LRRC4C: variants seen among roughly 807,000 people sequenced by gnomAD.
LRRC4C encodes leucine rich repeat containing 4C, also known as leucine-rich repeat-containing protein 4C.
A neutral mutation model predicts 33.6 loss-of-function variants in LRRC4C; 5 were observed. The ratio of observed to expected loss-of-function variants is 0.15; its 90% CI spans 0.08 to 0.31. The LOEUF is 0.31. LRRC4C is among the 10% of genes least tolerant of loss of function. The pLI is 1.00. For synonymous variants in LRRC4C, 329 were observed against 302.0 expected, an observed-to-expected ratio of 1.09 and a Z score of -0.93; for missense variants, 560 against 796.7, an observed-to-expected ratio of 0.70 and a Z score of 3.58.
At chr11:40,474,993 C>A (rs1473524120) in intron 3 of LRRC4C, among the ~76,000 whole-genome samples, 1 of 152,158 alleles carries the variant, frequency 6.6e-6, no homozygotes, top group Non-Finnish European at 1.5e-5. Context: ...AACTCTTTTA[C>A]ACTGTTGGTG....
chr11:41,410,811 C>T (rs74735112), intron 1 of LRRC4C, among the ~76,000 whole-genome samples: 11,865 of 152,056 alleles, frequency 0.078, 1,525 homozygotes, highest in African/African-American at 0.27. Flanking sequence ...AATATCATCA[C>T]ATTATCAACC....
chr11:40,802,844 C>T (rs1951095027), intron 2 of LRRC4C, among the ~76,000 whole-genome samples: 1 of 152,046 alleles, frequency 6.6e-6, no homozygotes. Flanking sequence ...TATTAGTTTC[C>T]AAATTTAGAG....
chr11:40,350,539 T>C (rs1947336197), intron 3 of LRRC4C, among the ~76,000 whole-genome samples: 2 of 152,090 alleles, frequency 1.3e-5, no homozygotes, highest in African/African-American at 4.8e-5. Flanking sequence ...TCCTACAGTT[T>C]TGTTCTTTTT....
intron 4 of LRRC4C, chr11:40,292,316 A>T (rs1206505004): frequency 6.6e-6 from 1 of 152,134 alleles, no homozygotes; most frequent in African/African-American, 2.4e-5. Context: ...GATGAAGAAA[A>T]ATCCAACTGC....
chr11:41,325,776 C>T (rs1411956702), intron 1 of LRRC4C, among the ~76,000 whole-genome samples: 1 of 151,926 alleles, frequency 6.6e-6, no homozygotes, highest in Non-Finnish European at 1.5e-5. Context: ...CAACTGTATG[C>T]CCAATTTTTA....
intron 5 of LRRC4C, among the ~76,000 whole-genome samples, chr11:40,164,481 C>T (rs1859421016): frequency 6.6e-6 from 1 of 152,108 alleles, no homozygotes; most frequent in Non-Finnish European, 1.5e-5. Context: ...AGGTGATCTG[C>T]CCACCTCAGC....
intron 3 of LRRC4C, among the ~76,000 whole-genome samples, chr11:40,615,737 A>G (rs1308643137): frequency 1.3e-5 from 2 of 151,786 alleles, no homozygotes; most frequent in African/African-American, 2.4e-5. Flanking sequence ...AACACCGGCT[A>G]TGCAGGAAGA....
chr11:41,299,292 G>C (rs1454974181), intron 1 of LRRC4C, among the ~76,000 whole-genome samples: 1 of 152,082 alleles, frequency 6.6e-6, no homozygotes, highest in Non-Finnish European at 1.5e-5. Flanking sequence ...TAGGAGAAAG[G>C]TAAAAACAAT....
intron 1 of LRRC4C, among the ~76,000 whole-genome samples, chr11:40,961,883 AG>A (rs1851001618): frequency 1.3e-5 from 2 of 151,670 alleles, no homozygotes; most frequent in African/African-American, 4.8e-5. Context: ...TGTTTAGGGT[AG>A]GGGGTGTTAA....
intron 1 of LRRC4C, among the ~76,000 whole-genome samples, chr11:41,366,546 C>T (rs1192005581): frequency 1.3e-5 from 2 of 151,722 alleles, no homozygotes. Context: ...TAAAATAACT[C>T]CTTTAAAAAA....
At chr11:40,654,093 T>C (rs1256936176) in intron 2 of LRRC4C, among the ~76,000 whole-genome samples, 1 of 152,150 alleles carries the variant, frequency 6.6e-6, no homozygotes, top group African/African-American at 2.4e-5. Context: ...TGCCTGCATG[T>C]CCAGAGACAA....
At chr11:41,233,996 G>T in intron 1 of LRRC4C, among the ~76,000 whole-genome samples, 1 of 151,104 alleles carries the variant, frequency 6.6e-6, no homozygotes. Context: ...AAAACACTGG[G>T]AAAGAGCAGG....
At chr11:41,281,619 G>C (rs948867785) in intron 1 of LRRC4C, among the ~76,000 whole-genome samples, 23 of 152,184 alleles carry the variant, frequency 1.5e-4, no homozygotes, top group African/African-American at 5.3e-4. Context: ...GAGTCATGTG[G>C]GAGAGGATTT....
chr11:40,610,514 G>A (rs549303586), intron 3 of LRRC4C, among the ~76,000 whole-genome samples: 3 of 151,800 alleles, frequency 2.0e-5, no homozygotes, highest in East Asian at 1.9e-4. Context: ...AGTCCTGGGA[G>A]TTCTAGCTAG....
chr11:41,221,819 C>G (rs1343877215), intron 1 of LRRC4C, among the ~76,000 whole-genome samples: 1 of 152,116 alleles, frequency 6.6e-6, no homozygotes, highest in Non-Finnish European at 1.5e-5. Context: ...GAGACAAATT[C>G]CTAACATCAT....
At chr11:40,736,257 T>C (rs1311899496) in intron 2 of LRRC4C, among the ~76,000 whole-genome samples, 1 of 152,002 alleles carries the variant, frequency 6.6e-6, no homozygotes, top group Admixed American at 6.6e-5. Flanking sequence ...AGTGAGAACA[T>C]GCAGTGTTTG....
chr11:41,138,581 T>C (rs536007228), intron 1 of LRRC4C, among the ~76,000 whole-genome samples: 1 of 152,324 alleles, frequency 6.6e-6, no homozygotes, highest in African/African-American at 2.4e-5. Flanking sequence ...CTAAGTTTCA[T>C]AATGTCCTGG....
chr11:40,369,308 G>C (rs1292875635), intron 3 of LRRC4C, among the ~76,000 whole-genome samples: 1 of 152,120 alleles, frequency 6.6e-6, no homozygotes, highest in Non-Finnish European at 1.5e-5. Context: ...GTCCTCTTAT[G>C]ATCCCATTTT....
intron 3 of LRRC4C, among the ~76,000 whole-genome samples, chr11:40,632,073 A>C (rs1476133284): frequency 6.6e-6 from 1 of 152,228 alleles, no homozygotes; most frequent in Non-Finnish European, 1.5e-5. Context: ...AGTAGGTAGC[A>C]GTACCAGATC....
Sources: gnomAD v4.1 joint callset for allele counts (sites outside exome capture counted in the v4.1 genomes callset) on GRCh38, gnomAD v4.1.1 for gene constraint, MANE v1.5 for transcripts, NCBI Gene and HGNC (gene_info 2026-07-23, HGNC 2026-07-21) for gene names.